Variants in CAMKMT observed in about 807,000 individuals in gnomAD.
The protein encoded by CAMKMT is calmodulin-lysine N-methyltransferase.
A neutral mutation model predicts 48.0 loss-of-function variants in CAMKMT; 53 were observed. The ratio of observed to expected loss-of-function variants is 1.10; its 90% CI spans 0.89 to 1.39. The LOEUF is 1.39. CAMKMT is among the 40% of genes most tolerant of loss of function. CAMKMT has a pLI of 0.00. For missense variants in CAMKMT, 428 were observed against 402.7 expected (o/e 1.06, Z -0.54); for synonymous variants, 165 against 152.3 (o/e 1.08, Z -0.61).
At chr2:44,680,886 C>T (rs911261214) in intron 3 of CAMKMT, among the ~76,000 whole-genome samples, 2 of 152,140 alleles carry the variant, frequency 1.3e-5, no homozygotes, top group Non-Finnish European at 2.9e-5. Flanking sequence ...ACTTGCCACC[C>T]GAATGTGCAG....
At chr2:44,603,496 A>C (rs918975206) in intron 3 of CAMKMT, among the ~76,000 whole-genome samples, 1 of 152,234 alleles carries the variant, frequency 6.6e-6, no homozygotes, top group African/African-American at 2.4e-5. Flanking sequence ...CCCAAAATTT[A>C]GTGGCTGAAA....
intron 3 of CAMKMT, among the ~76,000 whole-genome samples, chr2:44,560,359 C>G (rs529036664): frequency 6.6e-6 from 1 of 152,324 alleles, no homozygotes; most frequent in Non-Finnish European, 1.5e-5. Context: ...ATAGCTCACT[C>G]CTGGGCTCAA....
chr2:44,605,665 C>CAGAA (rs1671242157), intron 3 of CAMKMT, among the ~76,000 whole-genome samples: 1 of 152,032 alleles, frequency 6.6e-6, no homozygotes, highest in African/African-American at 2.4e-5. Context: ...CTCAAGGAAA[C>CAGAA]TAAGACACAG....
At chr2:44,379,939 T>G (rs1382369424) in intron 2 of CAMKMT, among the ~76,000 whole-genome samples, 1 of 152,176 alleles carries the variant, frequency 6.6e-6, no homozygotes. Flanking sequence ...CTTTTAACTT[T>G]CTTGATATGT....
intron 3 of CAMKMT, among the ~76,000 whole-genome samples, chr2:44,615,671 C>G (rs749326766): frequency 2.6e-5 from 4 of 152,096 alleles, no homozygotes; most frequent in Non-Finnish European, 4.4e-5. Context: ...GTATACCATA[C>G]AGATTAATTT....
intron 3 of CAMKMT, among the ~76,000 whole-genome samples, chr2:44,626,724 C>T (rs1227959730): frequency 2.0e-5 from 3 of 152,126 alleles, no homozygotes; most frequent in Admixed American, 1.3e-4. Context: ...AAGGCCATAC[C>T]TCCTAAACTC....
chr2:44,454,938 T>G (rs1667480527), intron 3 of CAMKMT, among the ~76,000 whole-genome samples: 1 of 152,144 alleles, frequency 6.6e-6, no homozygotes, highest in Non-Finnish European at 1.5e-5. Flanking sequence ...TGTAGCCTGG[T>G]CTTTGAACTC....
intron 2 of CAMKMT, among the ~76,000 whole-genome samples, chr2:44,388,532 G>A (rs956787652): frequency 1.3e-5 from 2 of 152,114 alleles, no homozygotes; most frequent in Non-Finnish European, 2.9e-5. Flanking sequence ...TCTTGGTCCG[G>A]ATCCGTTGCT....
rs1174344846 is a variant in CAMKMT, at chr2:44,627,697, C to CTTTTTTTTTTTTTTTTT, written c.377-76572_377-76556dup. On this transcript the variant is annotated intron_variant, in intron 3 of 10. Transcript: ENST00000378494. ...TTATTTATAATGGTCCCATTTTATCCTTTTTTTTTTTTTTTTTTTTTTTTT... is the reference window on the plus strand; with the variant it reads ...TTATTTATAATGGTCCCATTTTATCCTTTTTTTTTTTTTTTTTTTTTTTTTTTTTTTTTTTTTTTTTT... 5.3e-4 allele frequency among the ~76,000 whole-genome samples: 40 copies of CTTTTTTTTTTTTTTTTT among 75,094 alleles called. 7 individuals are homozygous for CTTTTTTTTTTTTTTTTT. The highest frequency in any genetic ancestry group is 8.5e-4 in the Admixed American group (5 of 5,888). 49.3% of individuals were successfully genotyped at this position (75,094 alleles called of 152,430 possible).
At chr2:44,373,275 AT>A (rs1415849621) in intron 2 of CAMKMT, among the ~76,000 whole-genome samples, 1 of 152,194 alleles carries the variant, frequency 6.6e-6, no homozygotes, top group African/African-American at 2.4e-5. Flanking sequence ...AAGCTTTGGT[AT>A]TTTTTCCATT....
intron 3 of CAMKMT, among the ~76,000 whole-genome samples, chr2:44,510,556 T>G (rs551018683): frequency 2.6e-5 from 4 of 152,182 alleles, no homozygotes; most frequent in Non-Finnish European, 4.4e-5. Flanking sequence ...ATAAATATCT[T>G]GTTGAGACAT....
intron 3 of CAMKMT, among the ~76,000 whole-genome samples, chr2:44,490,902 C>A (rs970280247): frequency 6.9e-4 from 105 of 152,230 alleles, no homozygotes; most frequent in African/African-American, 2.3e-3. Flanking sequence ...GTAATTACAA[C>A]ACTTTGGGAG....
intron 8 of CAMKMT, among the ~76,000 whole-genome samples, chr2:44,748,691 T>C (rs1343944338): frequency 1.3e-5 from 2 of 151,754 alleles, no homozygotes; most frequent in Non-Finnish European, 2.9e-5. Flanking sequence ...GCTAACACGG[T>C]GAAACCCCAT....
intron 3 of CAMKMT, among the ~76,000 whole-genome samples, chr2:44,598,600 G>A (rs1434165692): frequency 6.6e-6 from 1 of 150,528 alleles, no homozygotes. Context: ...TAGAATGTTA[G>A]CACAAAGTAG....
Position 44,507,941 on chromosome 2 carries a change from A to C in CAMKMT, c.376+117636A>C, listed in dbSNP as rs190135210. ...ACTTCATTGTCAGCCTGGACATCAA[A>C]CTTTGAGTAGCACTGTTCCAGAACA... is the stretch of plus-strand genomic sequence containing the variant. On this transcript the variant is annotated intron_variant, in intron 3 of 10. Transcript: ENST00000378494. 1.6e-3 allele frequency among the ~76,000 whole-genome samples: 238 copies of C among 152,316 alleles called. 1 individual carries two copies. The highest frequency in any genetic ancestry group is 1.4e-3 in the Non-Finnish European group (96 of 68,020).
At chr2:44,470,385 C>T (rs1421557157) in intron 3 of CAMKMT, among the ~76,000 whole-genome samples, 2 of 152,190 alleles carry the variant, frequency 1.3e-5, no homozygotes, top group Non-Finnish European at 2.9e-5. Context: ...CCTTTGTACT[C>T]TCACCTGTGA....
intron 3 of CAMKMT, among the ~76,000 whole-genome samples, chr2:44,396,646 G>C (rs960085312): frequency 7.2e-5 from 11 of 151,894 alleles, no homozygotes; most frequent in Non-Finnish European, 8.8e-5. Context: ...TTGGTGGAGG[G>C]GGGTAGGTAA....
intron 7 of CAMKMT, among the ~76,000 whole-genome samples, chr2:44,743,394 A>T (rs1679787007): frequency 6.6e-6 from 1 of 152,216 alleles, no homozygotes; most frequent in African/African-American, 2.4e-5. Flanking sequence ...TATAAAAACT[A>T]GCAAAAAGGT....
chr2:44,703,242 C>T (rs1460186991), intron 3 of CAMKMT, among the ~76,000 whole-genome samples: 1 of 152,104 alleles, frequency 6.6e-6, no homozygotes, highest in Non-Finnish European at 1.5e-5. Flanking sequence ...TATAATCCTA[C>T]CATCCTGTGA....
Sources: gnomAD v4.1 joint callset for allele counts (sites outside exome capture counted in the v4.1 genomes callset) on GRCh38, gnomAD v4.1.1 for gene constraint, MANE v1.5 for transcripts, NCBI Gene and HGNC (gene_info 2026-07-23, HGNC 2026-07-21) for gene names.